PIK3R3: variants seen among roughly 807,000 people sequenced by gnomAD.
The protein encoded by PIK3R3 is phosphatidylinositol 3-kinase regulatory subunit gamma.
A neutral mutation model predicts 62.9 loss-of-function variants in PIK3R3; 64 were observed. The ratio of observed to expected loss-of-function variants is 1.02; its 90% CI spans 0.83 to 1.25. PIK3R3 has a LOEUF of 1.25. Ranked by LOEUF, PIK3R3 falls within the 50% of genes most tolerant of loss-of-function variation. The probability of loss-of-function intolerance (pLI) is 0.00; values close to 1 mark genes in which losing one functional copy is unlikely to be tolerated. For synonymous variants in PIK3R3, 165 were observed against 189.0 expected, an observed-to-expected ratio of 0.87 and a Z score of 1.04; for missense variants, 614 against 561.6, an observed-to-expected ratio of 1.09 and a Z score of -0.94.
At chr1:46,086,114 T>C (rs1651029048) in intron 1 of PIK3R3, among the ~76,000 whole-genome samples, 1 of 152,216 alleles carries the variant, frequency 6.6e-6, no homozygotes, top group African/African-American at 2.4e-5. Flanking sequence ...TATGTAGCTA[T>C]ATGAAGAAAC....
intron 9 of PIK3R3, 33 bp from the exon 10 acceptor site, chr1:46,043,904 G>A (rs1391291695): frequency 6.4e-7 from 1 of 1,565,568 alleles, no homozygotes; most frequent in Admixed American, 1.8e-5. Flanking sequence ...AAATGTTAAG[G>A]TAGGTAACAA....
chr1:46,113,100 C>A (rs1443065900), intron 1 of PIK3R3, among the ~76,000 whole-genome samples: 1 of 152,064 alleles, frequency 6.6e-6, no homozygotes, highest in East Asian at 1.9e-4. Context: ...ACCAGTTTTC[C>A]TTCTTTAATC....
At chr1:46,053,186 C>A (rs1454046313) in intron 7 of PIK3R3, among the ~76,000 whole-genome samples, 1 of 152,122 alleles carries the variant, frequency 6.6e-6, no homozygotes, top group Non-Finnish European at 1.5e-5. Flanking sequence ...TCTGAGTTGT[C>A]CTTACTTGTA....
At chr1:46,131,653 C>G in intron 1 of PIK3R3, 194 bp downstream of exon 1, 1 of 499,086 alleles carries the variant, frequency 2.0e-6, no homozygotes, top group South Asian at 1.4e-5. Flanking sequence ...CTTCGCAGGA[C>G]AATAGGATCA....
At chr1:46,057,299 C>T (rs1557562060) in intron 6 of PIK3R3, 1 of 152,340 alleles carries the variant, frequency 6.6e-6, no homozygotes, top group Non-Finnish European at 1.5e-5. Context: ...CCTAATTAAG[C>T]CTCTTCCTTT....
At chr1:46,047,001 C>T in intron 7 of PIK3R3, 1 of 227,020 alleles carries the variant, frequency 4.4e-6, no homozygotes, top group East Asian at 1.1e-4. Flanking sequence ...AGCCTGAGGA[C>T]ACACTTCCTG....
the PIK3R3 span, among the ~76,000 whole-genome samples, chr1:46,156,513 C>T: frequency 6.6e-6 from 1 of 151,400 alleles, no homozygotes; most frequent in African/African-American, 2.4e-5. Context: ...GAATCTCATT[C>T]AGTCTCCTGG....
intron 1 of PIK3R3, among the ~76,000 whole-genome samples, chr1:46,129,222 T>C (rs1319638526): frequency 6.6e-6 from 1 of 152,224 alleles, no homozygotes; most frequent in East Asian, 1.9e-4. Flanking sequence ...TTTCAACATG[T>C]AACTATTGTG....
intron 1 of PIK3R3, among the ~76,000 whole-genome samples, chr1:46,124,325 T>A (rs1037475049): frequency 1.3e-5 from 2 of 152,202 alleles, no homozygotes; most frequent in Non-Finnish European, 2.9e-5. Context: ...TTGTAATCTA[T>A]GTCATCTATT....
chr1:46,110,390 G>A (rs571490942), intron 1 of PIK3R3, among the ~76,000 whole-genome samples: 12 of 150,698 alleles, frequency 8.0e-5, no homozygotes, highest in Admixed American at 3.3e-4. Flanking sequence ...CCAAAGTGCC[G>A]AGATTACAGG....
the PIK3R3 span, among the ~76,000 whole-genome samples, chr1:46,149,368 G>A: frequency 3.1e-4 from 45 of 143,012 alleles, no homozygotes; most frequent in African/African-American, 1.1e-3. Context: ...GTTGCAGTAA[G>A]CCGAGATTGT....
chr1:46,041,925 A>G lies in PIK3R3; in HGVS notation c.*1748T>C, dbSNP rs1557541833. ...GTGTCTACATCATGGTCCATATTTTAGACCCTGTCATGGAAATAAGTGCTC... is the reference window on the plus strand; with the variant it reads ...GTGTCTACATCATGGTCCATATTTTGGACCCTGTCATGGAAATAAGTGCTC... On this transcript the variant is annotated 3_prime_UTR_variant, in exon 10 of 10. Transcript: ENST00000262741. The G allele has an allele frequency of 4.6e-6, 1 of 216,800 alleles. No homozygotes were observed. The highest frequency in any genetic ancestry group is 6.8e-5 in the East Asian group (1 of 14,702). 13.4% of individuals were successfully genotyped at this position (216,800 alleles called of 1,614,324 possible). A position where few individuals can be genotyped will look rare whatever the true frequency, so the allele number is the denominator to read the frequency against.
At chr1:46,133,564 T>C (rs1249563573), upstream of PIK3R3, among the ~76,000 whole-genome samples, 2 of 152,042 alleles carry the variant, frequency 1.3e-5, no homozygotes, top group African/African-American at 2.4e-5. Context: ...AAAGCAATGG[T>C]CCCCAAACCC....
intron 1 of PIK3R3, among the ~76,000 whole-genome samples, chr1:46,114,673 C>G (rs1009825334): frequency 1.3e-5 from 2 of 151,836 alleles, no homozygotes; most frequent in African/African-American, 2.4e-5. Flanking sequence ...GGCATAATCA[C>G]AGCTCAGTGT....
chr1:46,114,771 A>ATTT lies in PIK3R3; in HGVS notation c.106+17073_106+17075dup, dbSNP rs60059325. 2.2e-3 allele frequency among the ~76,000 whole-genome samples: 221 copies of ATTT among 99,282 alleles called. 2 individuals carry two copies. The highest frequency in any genetic ancestry group is 0.014 in the East Asian group (47 of 3,244). 65.1% of individuals were successfully genotyped at this position (99,282 alleles called of 152,430 possible). A position where few individuals can be genotyped will look rare whatever the true frequency, so the allele number is the denominator to read the frequency against. On this transcript the variant is annotated intron_variant, in intron 1 of 9. Coordinates refer to ENST00000262741, the MANE Select transcript of PIK3R3 (RefSeq NM_003629.4). ...AGGCATACACCACCAAGCCTCACTA[A>ATTT]TTTTTTTTTTTTTTTTTTTTTTTGG...
chr1:46,159,738 T>TACAC, the PIK3R3 span, among the ~76,000 whole-genome samples: 272 of 148,120 alleles, frequency 1.8e-3, no homozygotes, highest in African/African-American at 5.7e-3. Flanking sequence ...ATGAGTACCA[T>TACAC]ACACACACAC....
At chr1:46,169,529 A>G in the PIK3R3 span, among the ~76,000 whole-genome samples, 3 of 152,190 alleles carry the variant, frequency 2.0e-5, no homozygotes, top group Non-Finnish European at 2.9e-5. Context: ...TAAAAGCTGC[A>G]CTTAAACACA....
the PIK3R3 span, among the ~76,000 whole-genome samples, chr1:46,144,051 C>T: frequency 6.6e-6 from 1 of 152,162 alleles, no homozygotes; most frequent in Non-Finnish European, 1.5e-5. Context: ...GACTGTGTCC[C>T]TGGCCATAGC....
intron 5 of PIK3R3, among the ~76,000 whole-genome samples, chr1:46,065,029 G>C (rs1193397434): frequency 6.6e-6 from 1 of 152,184 alleles, no homozygotes; most frequent in Admixed American, 6.5e-5. Context: ...TAGGAATTAA[G>C]TCGAATCAAC....
Sources: gnomAD v4.1 joint callset for allele counts (sites outside exome capture counted in the v4.1 genomes callset) on GRCh38, gnomAD v4.1.1 for gene constraint, MANE v1.5 for transcripts, NCBI Gene and HGNC (gene_info 2026-07-23, HGNC 2026-07-21) for gene names.